The following NXF1 variants were observed in gnomAD, a reference collection of about 807,000 sequenced individuals.
The protein encoded by NXF1 is mRNA export factor TAP.
NXF1 carries 43 observed loss-of-function variants against 92.4 expected under a neutral mutation model. The observed-to-expected ratio is 0.47, with a 90% confidence interval of 0.36 to 0.60. The LOEUF (loss-of-function observed/expected upper bound fraction) is 0.60, where lower values mean the gene tolerates loss of function less well. Ranked by LOEUF, NXF1 falls within the 20% of genes least tolerant of loss-of-function variation. NXF1 has a pLI of 0.00. For missense variants in NXF1, 576 were observed against 793.0 expected, an observed-to-expected ratio of 0.73 and a Z score of 3.29; for synonymous variants, 288 against 292.2, an observed-to-expected ratio of 0.99 and a Z score of 0.15.
At chr11:62,800,266 G>A in intron 10 of NXF1, 111 bp downstream of exon 10, 2 of 1,543,998 alleles carry the variant, frequency 1.3e-6, no homozygotes, top group Middle Eastern at 4.3e-4. Flanking sequence ...AGGACAGGTG[G>A]TTCCAGCTCA....
chr11:62,800,694 C>G (rs1189474924), intron 9 of NXF1, among the ~76,000 whole-genome samples: 1 of 151,892 alleles, frequency 6.6e-6, no homozygotes, highest in Non-Finnish European at 1.5e-5. Flanking sequence ...CCTCAAACTC[C>G]TGGACTCAAG....
At position 62,796,570 on chromosome 11, in the gene NXF1, A is replaced by G. The variant is rs763864427; in HGVS notation, c.1179-3T>C. 4 of 1,598,188 alleles carry G rather than the reference A, an allele frequency of 2.5e-6. No individual in the cohort carries two copies. In the South Asian group the frequency reaches 3.3e-5, roughly 13 times the overall value. ...CAGAGTCGTAAATTGCATAGTACCT[A>G]TGGGAAAAACAAAAAAGAAAGTATG... On this transcript the variant is annotated splice_polypyrimidine_tract_variant and splice_region_variant and intron_variant, in intron 13 of 20. Transcript: ENST00000294172.
At chr11:62,792,951 G>A (rs936937085) in intron 19 of NXF1, among the ~76,000 whole-genome samples, 2 of 152,136 alleles carry the variant, frequency 1.3e-5, no homozygotes, top group Non-Finnish European at 2.9e-5. Flanking sequence ...GATGTTCATG[G>A]TGTAAGTAAA....
At position 62,796,101 on chromosome 11, in the gene NXF1, C is replaced by T. The variant is rs780326943; in HGVS notation, c.1426G>A (p.Val476Ile). The T allele has an allele frequency of 2.5e-5, 40 of 1,613,488 alleles. No individual in the cohort carries two copies. Among genetic ancestry groups the T allele is most frequent in the South Asian group, 2.4e-4 (22 of 91,064 alleles). ...LNELPKTQHD[V>I]NSFVVDISAQ... ...CTTATGTCTACCACGAAGGAATTGACGTCGTGCTGGGTTTTGGGCAACTCA... is the reference window on the plus strand; with the variant it reads ...CTTATGTCTACCACGAAGGAATTGATGTCGTGCTGGGTTTTGGGCAACTCA... Residue 476 changes from valine to isoleucine, a missense_variant, in exon 16 of 21, where the codon GTC becomes ATC. Val to Ile is a conservative substitution (Grantham distance 29). Around this residue, in one of 2 missense-constraint regions of NXF1, gnomAD observed 425 missense variants for 635.2 expected, o/e 0.67. Coordinates refer to ENST00000294172, the MANE Select transcript of NXF1 (RefSeq NM_006362.5).
chr11:62,796,826 T>C, intron 13 of NXF1: 2 of 540,286 alleles, frequency 3.7e-6, no homozygotes, highest in Non-Finnish European at 6.6e-6. Context: ...CCCAACACTT[T>C]GGGAGGAAGA....
chr11:62,802,308 A>G, intron 3 of NXF1, 48 bp from the exon 4 acceptor site: 1 of 1,501,098 alleles, frequency 6.7e-7, no homozygotes, highest in Non-Finnish European at 9.2e-7. Flanking sequence ...GTAAGGCTGA[A>G]TAGCAGACCC....
intron 4 of NXF1, 45 bp downstream of exon 4, chr11:62,802,132 C>T (rs779050001): frequency 6.2e-7 from 1 of 1,610,236 alleles, no homozygotes; most frequent in South Asian, 1.1e-5. Flanking sequence ...TGCCCCTTCA[C>T]CATCCCTGGT....
intron 15 of NXF1, 48 bp downstream of exon 15, chr11:62,796,239 T>C (rs752457574): frequency 1.2e-6 from 2 of 1,613,158 alleles, no homozygotes; most frequent in Non-Finnish European, 1.7e-6. Flanking sequence ...TTCTGACTGA[T>C]TCCTTCCCAT....
At chr11:62,797,094 A>AAC (rs2084429438) in intron 13 of NXF1, 89 bp downstream of exon 13, 1 of 1,226,256 alleles carries the variant, frequency 8.2e-7, no homozygotes, top group Non-Finnish European at 1.2e-6. Flanking sequence ...CAAAACAAAA[A>AAC]ACAAAACAAA....
chr11:62,801,667 T>TTG (rs1445413523), intron 6 of NXF1, 36 bp from the exon 7 acceptor site: 18 of 1,609,546 alleles, frequency 1.1e-5, no homozygotes, highest in Non-Finnish European at 1.4e-5. Flanking sequence ...GTCACTGGGT[T>TTG]TGTGTGTGGG....
intron 10 of NXF1, 86 bp from the exon 11 acceptor site, chr11:62,798,661 G>A: frequency 1.0e-5 from 16 of 1,592,838 alleles, no homozygotes; most frequent in Non-Finnish European, 1.4e-5. Context: ...CCAAACCCGA[G>A]GGACAGCCCA....
In NXF1 at chr11:62,802,199, C is replaced by A; in HGVS notation, c.431G>T (p.Ser144Ile). The A allele has an allele frequency of 1.9e-6, 3 of 1,614,198 alleles. No homozygotes were observed. The highest frequency in any genetic ancestry group is 2.5e-6 in the Non-Finnish European group (3 of 1,180,010). The change falls in exon 4 of 21, where the codon AGT becomes ATT. Residue 144 changes from serine to isoleucine, a missense_variant. Around this residue, in one of 2 missense-constraint regions of NXF1, gnomAD observed 425 missense variants for 635.2 expected, o/e 0.67. Coordinates refer to ENST00000294172, the MANE Select transcript of NXF1 (RefSeq NM_006362.5). The part of the protein sequence containing the change: ...WLLSMIQSKC[S>I]VPFTPIEFHY... ...TACCTCAATAGGGGTGAAGGGCACA[C>A]TGCACTTGCTCTGAATCATGCTCAG... is the stretch of plus-strand genomic sequence containing the variant.
chr11:62,796,704 G>C, intron 13 of NXF1, 137 bp from the exon 14 acceptor site: 1 of 641,724 alleles, frequency 1.6e-6, no homozygotes, highest in Non-Finnish European at 2.8e-6. Context: ...GGCTGAGATG[G>C]GTGAATAGCT....
In NXF1 at chr11:62,796,674, G is replaced by T. The variant is rs1031692454; in HGVS notation, c.1179-107C>A. ...TGGCCGGGCATGGAAGCTCATGCCTGTAATCCCAGCACTTTGGGAGGCTGA... is the reference window on the plus strand; with the variant it reads ...TGGCCGGGCATGGAAGCTCATGCCTTTAATCCCAGCACTTTGGGAGGCTGA... On this transcript the variant is annotated intron_variant, in intron 13 of 20. Coordinates refer to ENST00000294172, the MANE Select transcript of NXF1 (RefSeq NM_006362.5). 16 of 732,434 alleles carry T rather than the reference G, an allele frequency of 2.2e-5. No homozygotes were observed. The African/African-American group carries it at 2.5e-4, about 11-fold the overall frequency. The allele number at this position is 732,434 out of a possible 1,614,324, so 45.4% of individuals were successfully genotyped here. A position where few individuals can be genotyped will look rare whatever the true frequency, so the allele number is the denominator to read the frequency against.
chr11:62,805,425 C>G lies in NXF1; in HGVS notation c.-69G>C. ...GCCGGCAAACAACCTAACTCCCAAG[C>G]GCTCAGGACCGAAGTGTCCCTACGC... On this transcript the variant is annotated 5_prime_UTR_variant, in exon 1 of 21. Transcript: ENST00000294172. 1.9e-6 allele frequency: 3 copies of G among 1,602,230 alleles called. No homozygotes were observed. Among genetic ancestry groups the G allele is most frequent in the Admixed American group, 1.7e-5 (1 of 58,636 alleles).
intron 4 of NXF1, 35 bp from the exon 5 acceptor site, chr11:62,802,081 C>G (rs2084485440): frequency 1.1e-5 from 18 of 1,609,552 alleles, no homozygotes; most frequent in Non-Finnish European, 1.3e-5. Context: ...CACTGGGAGT[C>G]CAGAGCCCTT....
chr11:62,803,165 A>C (rs1313910094), intron 3 of NXF1, among the ~76,000 whole-genome samples: 5 of 152,076 alleles, frequency 3.3e-5, no homozygotes, highest in Admixed American at 6.5e-5. Flanking sequence ...CTAAAAATAC[A>C]AAAATTAGCC....
rs77993038 is a variant in NXF1 at position 62,802,770 on chromosome 11, A to G, written c.370-510T>C. On this transcript the variant is annotated intron_variant, in intron 3 of 20. Transcript: ENST00000294172. ...CTTATAATCTCTCAAAAAAAAATCA[A>G]TTTTATTTATTCTAAAAGTTCCAAG... 2.2e-3 allele frequency among the ~76,000 whole-genome samples: 336 copies of G among 152,168 alleles called. 3 individuals are homozygous for G. The East Asian group carries it at 0.035, about 16-fold the overall frequency.
chr11:62,803,470 T>G lies in NXF1; in HGVS notation c.318A>C (p.Gly106=). ...VRRDRAPPER[G]GAGTSQDGTS... is the part of the protein sequence containing the mutation. ...TCCCATCCTGGCTGGTGCCAGCCCCTCCTCTCTCTGGAGGAGCTCTGTCTC... is the reference window on the plus strand; with the variant it reads ...TCCCATCCTGGCTGGTGCCAGCCCCGCCTCTCTCTGGAGGAGCTCTGTCTC... The change falls in exon 3 of 21, where the codon GGA becomes GGC. Residue 106 remains glycine (G), a synonymous_variant. Transcript: ENST00000294172. The G allele has an allele frequency of 6.2e-7, 1 of 1,613,942 alleles. No individual in the cohort carries two copies. The highest frequency in any genetic ancestry group is 2.2e-5 in the East Asian group (1 of 44,864).
Sources: gnomAD v4.1 joint callset for allele counts (sites outside exome capture counted in the v4.1 genomes callset) on GRCh38, gnomAD v4.1.1 for gene constraint, gnomAD v4.1.1 regional missense constraint, MANE v1.5 for transcripts, NCBI Gene and HGNC (gene_info 2026-07-23, HGNC 2026-07-21) for gene names.